The following HAS3 variants were observed in gnomAD, a reference collection of about 807,000 sequenced individuals.
The protein encoded by HAS3 is HA synthase 3.
HAS3 carries 27 observed loss-of-function variants against 50.3 expected under a neutral mutation model. The ratio of observed to expected loss-of-function variants is 0.54; its 90% CI spans 0.40 to 0.74. The LOEUF is 0.74. HAS3 is among the 30% of genes least tolerant of loss of function. The pLI is 0.00. For synonymous variants in HAS3, 339 were observed against 310.9 expected (o/e 1.09, Z -0.95); for missense variants, 517 against 742.8 (o/e 0.70, Z 3.53).
chr16:69,089,211 A>T, the HAS3 span, among the ~76,000 whole-genome samples: 2 of 152,184 alleles, frequency 1.3e-5, no homozygotes, highest in Middle Eastern at 3.2e-3. Context: ...CTCTCACCCA[A>T]CTGTTTGCCG....
Position 69,116,724 on chromosome 16 carries a change from G to GAA in HAS3, c.*1459_*1460dup, listed in dbSNP as rs1187148269. 2 of 985,276 alleles carry GAA rather than the reference G, an allele frequency of 2.0e-6. No individual in the cohort carries two copies. Among genetic ancestry groups the GAA allele is most frequent in the African/African-American group, 3.5e-5 (2 of 57,210 alleles). 61.0% of individuals were successfully genotyped at this position (985,276 alleles called of 1,614,324 possible). A position where few individuals can be genotyped will look rare whatever the true frequency, so the allele number is the denominator to read the frequency against. ...CTCTGCTGCTTTTGGGGAATGAGGG[G>GAA]AAGCCATTTTCCAGTGACTTGCAAT... On this transcript the variant is annotated 3_prime_UTR_variant, in exon 4 of 4. Coordinates refer to ENST00000569188, the MANE Select transcript of HAS3 (RefSeq NM_001199280.2).
the HAS3 span, among the ~76,000 whole-genome samples, chr16:69,092,839 C>G: frequency 6.6e-6 from 1 of 151,976 alleles, no homozygotes; most frequent in African/African-American, 2.4e-5. Flanking sequence ...GGAAAACAAC[C>G]ACAGAAACAA....
the HAS3 span, among the ~76,000 whole-genome samples, chr16:69,093,324 G>C: frequency 1.3e-5 from 2 of 152,004 alleles, no homozygotes; most frequent in Admixed American, 1.3e-4. Context: ...CGATTCTCCT[G>C]CCTCAGCCTC....
At position 69,117,540 on chromosome 16, in the gene HAS3, T is replaced by C; in HGVS notation, c.*2274T>C. On this transcript the variant is annotated 3_prime_UTR_variant, in exon 4 of 4. Coordinates refer to ENST00000569188, the MANE Select transcript of HAS3 (RefSeq NM_001199280.2). ...AATTCAAATCCTCTTTTGTATTGTTTCTACAATAATTTGTAAACATATTTA... is the reference window on the plus strand; with the variant it reads ...AATTCAAATCCTCTTTTGTATTGTTCCTACAATAATTTGTAAACATATTTA... 2.2e-6 allele frequency: 2 copies of C among 918,698 alleles called. No homozygotes were observed. Among genetic ancestry groups the C allele is most frequent in the Non-Finnish European group, 2.6e-6 (2 of 768,950 alleles). 56.9% of individuals were successfully genotyped at this position (918,698 alleles called of 1,614,324 possible). A position where few individuals can be genotyped will look rare whatever the true frequency, so the allele number is the denominator to read the frequency against.
At chr16:69,103,647 T>A (rs944284870), upstream of HAS3, among the ~76,000 whole-genome samples, 4 of 152,152 alleles carry the variant, frequency 2.6e-5, no homozygotes, top group African/African-American at 4.8e-5. Context: ...TCCACCCGCC[T>A]CAGCCTCCCA....
At chr16:69,105,329 C>G (rs1481322785), upstream of HAS3, among the ~76,000 whole-genome samples, 1 of 152,116 alleles carries the variant, frequency 6.6e-6, no homozygotes, top group Non-Finnish European at 1.5e-5. Context: ...ACTCTCCCCC[C>G]TCCTCGATCT....
the HAS3 span, among the ~76,000 whole-genome samples, chr16:69,099,262 C>T: frequency 1.3e-5 from 2 of 152,000 alleles, no homozygotes; most frequent in Admixed American, 6.6e-5. Context: ...TGAGCCACCG[C>T]GCCCGGCCAA....
At chr16:69,108,829 CTTTG>C (rs961291805) in intron 1 of HAS3, among the ~76,000 whole-genome samples, 1 of 152,196 alleles carries the variant, frequency 6.6e-6, no homozygotes, top group African/African-American at 2.4e-5. Flanking sequence ...CCCAATGCCC[CTTTG>C]TTTGCTGTTT....
Position 69,116,385 on chromosome 16 carries a change from T to G in HAS3, c.*1119T>G. 1 of 985,914 alleles carries G rather than the reference T, an allele frequency of 1.0e-6. No individual in the cohort carries two copies. Among genetic ancestry groups the G allele is most frequent in the Non-Finnish European group, 1.2e-6 (1 of 829,936 alleles). 61.1% of individuals were successfully genotyped at this position (985,914 alleles called of 1,614,324 possible). On this transcript the variant is annotated 3_prime_UTR_variant, in exon 4 of 4. Coordinates refer to ENST00000569188, the MANE Select transcript of HAS3 (RefSeq NM_001199280.2). The stretch of plus-strand genomic sequence containing the variant: ...CCTCTGATCAAATTGGCTACAATCT[T>G]GGAGCTGCTTGGACGGATTCCTTGG...
the HAS3 span, among the ~76,000 whole-genome samples, chr16:69,087,696 C>CTTTTTT: frequency 1.1e-4 from 9 of 82,632 alleles, no homozygotes; most frequent in Non-Finnish European, 1.2e-4. Context: ...CCGCACCCGG[C>CTTTTTT]TTTTTTTTTT....
chr16:69,108,791 T>C (rs1368231205), intron 1 of HAS3, among the ~76,000 whole-genome samples: 2 of 152,254 alleles, frequency 1.3e-5, no homozygotes, highest in Non-Finnish European at 2.9e-5. Flanking sequence ...CTAATAACTG[T>C]CTTGAGAAAG....
At position 69,117,575 on chromosome 16, in the gene HAS3, GC is replaced by G. The variant is rs1303191981; in HGVS notation, c.*2310del. 5 of 734,426 alleles carry G rather than the reference GC, an allele frequency of 6.8e-6. No homozygotes were observed. Among genetic ancestry groups the G allele is most frequent in the Non-Finnish European group, 8.0e-6 (5 of 623,740 alleles). 45.5% of individuals were successfully genotyped at this position (734,426 alleles called of 1,614,324 possible). On this transcript the variant is annotated 3_prime_UTR_variant, in exon 4 of 4. Coordinates refer to ENST00000569188, the MANE Select transcript of HAS3 (RefSeq NM_001199280.2). Reference sequence around the variant, plus strand: ...TTTGTAAACATATTTATTTTTACCTGCTTTTTTTTTTTTTTTTAATTTTCAG... The same window carrying G: ...TTTGTAAACATATTTATTTTTACCTGTTTTTTTTTTTTTTTTAATTTTCAG...
At chr16:69,090,324 C>T in the HAS3 span, among the ~76,000 whole-genome samples, 1 of 152,310 alleles carries the variant, frequency 6.6e-6, no homozygotes, top group African/African-American at 2.4e-5. Flanking sequence ...CAATGCCTGG[C>T]TGCTGTGCGT....
chr16:69,107,269 G>C lies in HAS3; in HGVS notation c.-1+1482G>C. On this transcript the variant is annotated intron_variant, in intron 1 of 3. Coordinates refer to ENST00000569188, the MANE Select transcript of HAS3 (RefSeq NM_001199280.2). The surrounding 1 kb of genome is among the most constrained non-coding windows in gnomAD (Gnocchi z 5.5). ...ATTTTGGGGGCCTCTATTTGGGGGT[G>C]GGGGTAGTAACCTGGGTAATGCCTC... 1 of 927,392 alleles carries C rather than the reference G, an allele frequency of 1.1e-6. No homozygotes were observed. Among genetic ancestry groups the C allele is most frequent in the Non-Finnish European group, 1.3e-6 (1 of 776,914 alleles). The allele number at this position is 927,392 out of a possible 1,614,324, so 57.4% of individuals were successfully genotyped here.
chr16:69,090,508 A>G, the HAS3 span, among the ~76,000 whole-genome samples: 6 of 152,146 alleles, frequency 3.9e-5, no homozygotes, highest in Non-Finnish European at 8.8e-5. Flanking sequence ...TCTCAGGCTC[A>G]GGTGATCCTC....
chr16:69,118,526 C>G, downstream of HAS3: 2 of 976,324 alleles, frequency 2.0e-6, no homozygotes, highest in Non-Finnish European at 3.3e-6. Context: ...CAATGTATCC[C>G]TGAGGAAAAG....
In HAS3 at chr16:69,107,721, G is replaced by A. The variant is rs1960855428; in HGVS notation, c.1-1675G>A. ...GTAAGCTCCGGAGGGGAATGGGGGC[G>A]CTCCTAGGCTGCGGATGCAGGCCTG... On this transcript the variant is annotated intron_variant, in intron 1 of 3. Coordinates refer to ENST00000569188, the MANE Select transcript of HAS3 (RefSeq NM_001199280.2). The surrounding 1 kb of genome is among the most constrained non-coding windows in gnomAD (Gnocchi z 5.5). 1.0e-6 allele frequency: 1 copy of A among 984,678 alleles called. No individual in the cohort carries two copies. The highest frequency in any genetic ancestry group is 1.2e-6 in the Non-Finnish European group (1 of 829,218). The allele number at this position is 984,678 out of a possible 1,614,324, so 61.0% of individuals were successfully genotyped here.
the HAS3 span, among the ~76,000 whole-genome samples, chr16:69,087,381 T>C: frequency 6.6e-6 from 1 of 151,332 alleles, no homozygotes; most frequent in Non-Finnish European, 1.5e-5. Context: ...TTCTGGAGAG[T>C]TTCCCCTCTC....
chr16:69,116,031 T>C lies in HAS3; in HGVS notation c.*765T>C. 1.0e-6 allele frequency: 1 copy of C among 985,628 alleles called. No individual in the cohort carries two copies. The highest frequency in any genetic ancestry group is 4.7e-5 in the South Asian group (1 of 21,272). 61.1% of individuals were successfully genotyped at this position (985,628 alleles called of 1,614,324 possible). A position where few individuals can be genotyped will look rare whatever the true frequency, so the allele number is the denominator to read the frequency against. On this transcript the variant is annotated 3_prime_UTR_variant, in exon 4 of 4. Coordinates refer to ENST00000569188, the MANE Select transcript of HAS3 (RefSeq NM_001199280.2). ...TCCACCTGGAAACTGCTCAGACGTC[T>C]AGATGGGTTCTTAGCTTGTCTGTGA... is the stretch of plus-strand genomic sequence containing the variant.
Sources: allele counts gnomAD v4.1 joint callset (sites outside exome capture counted in the v4.1 genomes callset), GRCh38; gene constraint gnomAD v4.1.1; non-coding constraint Gnocchi (gnomAD v3.1); transcripts MANE v1.5; gene names NCBI Gene and HGNC (gene_info 2026-07-23, HGNC 2026-07-21).